Variants in HYCC1 observed in about 807,000 individuals in gnomAD.
HYCC1 encodes hyccin.
At chr7:22,951,408 G>A in the HYCC1 span, among the ~76,000 whole-genome samples, 52 of 151,726 alleles carry the variant, frequency 3.4e-4, no homozygotes, top group Non-Finnish European at 1.3e-4. Context: ...AAACTTATTT[G>A]TGAAAATAAT....
the HYCC1 span, among the ~76,000 whole-genome samples, chr7:22,974,344 A>G: frequency 1.3e-5 from 2 of 152,230 alleles, no homozygotes; most frequent in African/African-American, 2.4e-5. Context: ...TTGGCAAAAT[A>G]AAAAGTTGCC....
the HYCC1 span, among the ~76,000 whole-genome samples, chr7:22,974,923 G>A: frequency 6.6e-6 from 1 of 152,140 alleles, no homozygotes; most frequent in African/African-American, 2.4e-5. Context: ...ATGCTTTCTT[G>A]CCTGCTGCCA....
At chr7:22,940,027 T>C in the HYCC1 span, 1 of 152,206 alleles carries the variant, frequency 6.6e-6, no homozygotes, top group Non-Finnish European at 1.5e-5. Flanking sequence ...CTATGTGGAC[T>C]ACTGGAGTTA....
chr7:22,941,620 T>C, the HYCC1 span: 1 of 152,176 alleles, frequency 6.6e-6, no homozygotes, highest in Admixed American at 6.5e-5. Flanking sequence ...ACAAATGTAC[T>C]CTAAAACTCT....
the HYCC1 span, among the ~76,000 whole-genome samples, chr7:22,947,488 A>AT: frequency 1.3e-5 from 2 of 152,078 alleles, no homozygotes; most frequent in Admixed American, 1.3e-4. Context: ...CACGTTCTGC[A>AT]TTTTTTCACA....
At chr7:22,970,017 C>CAGTATAA in the HYCC1 span, among the ~76,000 whole-genome samples, 2 of 152,060 alleles carry the variant, frequency 1.3e-5, no homozygotes, top group African/African-American at 4.8e-5. Context: ...TATTATACAA[C>CAGTATAA]TAAAAAAAAA....
chr7:22,996,288 G>A, the HYCC1 span, among the ~76,000 whole-genome samples: 182 of 137,438 alleles, frequency 1.3e-3, 1 homozygote, highest in African/African-American at 3.7e-3. Context: ...GTGAGACTCC[G>A]TCTCAAAAAA....
chr7:22,951,649 A>G, the HYCC1 span, among the ~76,000 whole-genome samples: 1 of 151,880 alleles, frequency 6.6e-6, no homozygotes, highest in African/African-American at 2.4e-5. Context: ...TGTTATCTGT[A>G]TTCATTAAGC....
the HYCC1 span, among the ~76,000 whole-genome samples, chr7:22,913,670 T>C: frequency 6.6e-6 from 1 of 152,184 alleles, no homozygotes; most frequent in African/African-American, 2.4e-5. Flanking sequence ...TTTACTGTAA[T>C]TTTCCACTAC....
the HYCC1 span, among the ~76,000 whole-genome samples, chr7:22,911,525 C>T: frequency 3.9e-5 from 6 of 152,210 alleles, no homozygotes; most frequent in East Asian, 1.9e-4. Flanking sequence ...TTTGGGAGCC[C>T]GAGGTGGGCG....
At chr7:22,958,147 G>A in the HYCC1 span, among the ~76,000 whole-genome samples, 1 of 152,026 alleles carries the variant, frequency 6.6e-6, no homozygotes, top group Admixed American at 6.6e-5. Context: ...AAAACAATGT[G>A]TTCAAGTAGG....
chr7:22,992,193 C>A, the HYCC1 span, among the ~76,000 whole-genome samples: 1 of 151,888 alleles, frequency 6.6e-6, no homozygotes, highest in South Asian at 2.1e-4. Flanking sequence ...TCCAGATATG[C>A]CTTAATGAAC....
At chr7:22,905,386 ATT>A in the HYCC1 span, among the ~76,000 whole-genome samples, 87 of 44,466 alleles carry the variant, frequency 2.0e-3, no homozygotes, top group East Asian at 0.014. Flanking sequence ...CTAATTTTGT[ATT>A]TTTTTTTTTT....
the HYCC1 span, among the ~76,000 whole-genome samples, chr7:22,907,383 G>A: frequency 1.3e-5 from 2 of 152,180 alleles, no homozygotes; most frequent in African/African-American, 4.8e-5. Context: ...ACCTTAGCCT[G>A]TCCAGGCAAC....
chr7:22,977,930 C>A, the HYCC1 span, among the ~76,000 whole-genome samples: 1 of 152,078 alleles, frequency 6.6e-6, no homozygotes, highest in East Asian at 1.9e-4. Context: ...AATCTTTTCT[C>A]CCAAACTTTC....
At chr7:22,913,430 T>A in the HYCC1 span, among the ~76,000 whole-genome samples, 1 of 152,094 alleles carries the variant, frequency 6.6e-6, no homozygotes, top group Non-Finnish European at 1.5e-5. Context: ...CCCAAGGCAA[T>A]GCCCTCCTAG....
the HYCC1 span, among the ~76,000 whole-genome samples, chr7:22,957,538 G>GA: frequency 6.6e-6 from 1 of 151,904 alleles, no homozygotes; most frequent in Admixed American, 6.6e-5. Context: ...GAGGCAAGGA[G>GA]AAAGAGGAAA....
At chr7:22,909,168 G>C in the HYCC1 span, among the ~76,000 whole-genome samples, 1 of 152,198 alleles carries the variant, frequency 6.6e-6, no homozygotes. Flanking sequence ...GTGGGGCCTG[G>C]GGGAAAGTGA....
chr7:22,976,589 A>C, the HYCC1 span: 4 of 775,968 alleles, frequency 5.2e-6, no homozygotes, highest in African/African-American at 6.9e-5. Context: ...GTATTCAAAT[A>C]AATTGTCACA....
Sources: gnomAD v4.1 joint callset for allele counts (sites outside exome capture counted in the v4.1 genomes callset) on GRCh38, gnomAD v4.1.1 for gene constraint, MANE v1.5 for transcripts, NCBI Gene and HGNC (gene_info 2026-07-23, HGNC 2026-07-21) for gene names.